Variants in DOCK2 observed in about 807,000 individuals in gnomAD.
DOCK2 encodes the protein dedicator of cytokinesis 2, also known as dedicator of cytokinesis protein 2.
A neutral mutation model predicts 248.9 loss-of-function variants in DOCK2; 87 were observed. The ratio of observed to expected loss-of-function variants is 0.35; its 90% CI spans 0.29 to 0.42. The LOEUF (loss-of-function observed/expected upper bound fraction) is 0.42, where lower values mean the gene tolerates loss of function less well. DOCK2 is among the 10% of genes least tolerant of loss of function. The probability of loss-of-function intolerance (pLI) is 1.00; values close to 1 mark genes in which losing one functional copy is unlikely to be tolerated. For missense variants in DOCK2, 1,747 were observed against 2,300.2 expected, an observed-to-expected ratio of 0.76 and a Z score of 4.92; for synonymous variants, 805 against 821.6, an observed-to-expected ratio of 0.98 and a Z score of 0.35.
chr5:169,867,798 G>A (rs561328809), intron 27 of DOCK2, among the ~76,000 whole-genome samples: 71 of 152,174 alleles, frequency 4.7e-4, no homozygotes, highest in Non-Finnish European at 9.1e-4. Context: ...GTGTGGTGGA[G>A]TGGGTTTCTG....
At chr5:169,737,172 A>T (rs1264543516) in intron 22 of DOCK2, among the ~76,000 whole-genome samples, 1 of 152,210 alleles carries the variant, frequency 6.6e-6, no homozygotes, top group Non-Finnish European at 1.5e-5. Flanking sequence ...AATGATGAGT[A>T]GGAGTTGGCA....
chr5:169,957,181 C>T (rs761852700), intron 27 of DOCK2, among the ~76,000 whole-genome samples: 1 of 152,164 alleles, frequency 6.6e-6, no homozygotes, highest in Admixed American at 6.6e-5. Flanking sequence ...AATGGGTACT[C>T]AATAAATAAT....
At chr5:169,674,521 G>A in intron 6 of DOCK2, 76 bp downstream of exon 6, 1 of 1,565,838 alleles carries the variant, frequency 6.4e-7, no homozygotes, top group Non-Finnish European at 8.6e-7. Context: ...CCAGAAGCTT[G>A]TTTTCATTTT....
intron 33 of DOCK2, among the ~76,000 whole-genome samples, chr5:170,024,357 CT>C (rs35718164): frequency 6.9e-4 from 69 of 100,724 alleles, no homozygotes; most frequent in Middle Eastern, 6.1e-3. Context: ...TTGGGAGAGC[CT>C]TTTTTTTTTT....
At chr5:169,647,637 A>G (rs1181960040) in intron 1 of DOCK2, among the ~76,000 whole-genome samples, 2 of 151,966 alleles carry the variant, frequency 1.3e-5, no homozygotes, top group Non-Finnish European at 2.9e-5. Flanking sequence ...TGGCCCTGCC[A>G]TTCATCCCTC....
intron 27 of DOCK2, among the ~76,000 whole-genome samples, chr5:169,871,110 A>G (rs1207802726): frequency 6.6e-6 from 1 of 152,184 alleles, no homozygotes; most frequent in African/African-American, 2.4e-5. Context: ...GAGGACTCCA[A>G]GTTCATGACC....
intron 2 of DOCK2, among the ~76,000 whole-genome samples, chr5:169,659,514 C>T (rs554427062): frequency 5.4e-4 from 82 of 152,216 alleles, no homozygotes; most frequent in African/African-American, 1.6e-3. Flanking sequence ...TGAGACTAGC[C>T]CTTCCTTGCC....
At chr5:169,815,537 A>C (rs1768014862) in intron 26 of DOCK2, among the ~76,000 whole-genome samples, 1 of 152,198 alleles carries the variant, frequency 6.6e-6, no homozygotes, top group African/African-American at 2.4e-5. Flanking sequence ...GGAAGGGCAG[A>C]ATGTAATGGG....
intron 27 of DOCK2, among the ~76,000 whole-genome samples, chr5:169,902,663 A>G (rs1186049109): frequency 1.3e-5 from 2 of 152,142 alleles, no homozygotes; most frequent in East Asian, 1.9e-4. Context: ...TTCCACAGAG[A>G]GGGAAGCCTC....
At position 169,882,809 on chromosome 5, in the gene DOCK2, C is replaced by G. The variant is rs993625984; in HGVS notation, c.2799+41957C>G. 6.4e-6 allele frequency: 10 copies of G among 1,551,398 alleles called. No homozygotes were observed. The South Asian group carries it at 8.3e-5, about 13-fold the overall frequency. On this transcript the variant is annotated intron_variant, in intron 27 of 51. Coordinates refer to ENST00000520908, the MANE Select transcript of DOCK2 (RefSeq NM_004946.3). ...TTTGGAAACTCCAGTGTGTCTGACT[C>G]GGTGGGGTTGTTTGCCGTCTGCTCC...
intron 27 of DOCK2, among the ~76,000 whole-genome samples, chr5:169,854,098 C>G (rs945240723): frequency 1.3e-5 from 2 of 151,764 alleles, no homozygotes; most frequent in African/African-American, 4.8e-5. Flanking sequence ...GCTGGGATTA[C>G]AGGTGTGAGC....
At chr5:170,045,459 A>C (rs1047973435) in intron 38 of DOCK2, among the ~76,000 whole-genome samples, 1 of 152,130 alleles carries the variant, frequency 6.6e-6, no homozygotes, top group Non-Finnish European at 1.5e-5. Flanking sequence ...GCTTTTAGTG[A>C]GGCGTTTTGA....
chr5:170,078,217 G>A (rs939128387), intron 48 of DOCK2, among the ~76,000 whole-genome samples: 7 of 152,076 alleles, frequency 4.6e-5, no homozygotes, highest in Admixed American at 4.6e-4. Context: ...AACCACGATG[G>A]GATGTCTCCA....
chr5:169,907,033 T>G (rs1169229982), intron 27 of DOCK2, among the ~76,000 whole-genome samples: 1 of 152,192 alleles, frequency 6.6e-6, no homozygotes, highest in East Asian at 1.9e-4. Context: ...CTGCTCTCAC[T>G]GAGCTTATGG....
rs115000650 is a variant in DOCK2, at chr5:169,641,921, A to G, written c.43+4552A>G. On this transcript the variant is annotated intron_variant, in intron 1 of 51. Transcript: ENST00000520908. ...AGCTTGATTTCCCTTTGTAAGAAAG[A>G]CAACCCAAGTCAGAGTTCATTGCCA... Among the ~76,000 whole-genome samples, 450 of 152,344 alleles carry G rather than the reference A, an allele frequency of 3.0e-3. 2 individuals are homozygous for G. The highest frequency in any genetic ancestry group is 0.01 in the African/African-American group (427 of 41,580).
intron 36 of DOCK2, among the ~76,000 whole-genome samples, chr5:170,040,456 A>C (rs1756474672): frequency 6.6e-6 from 1 of 152,188 alleles, no homozygotes; most frequent in African/African-American, 2.4e-5. Flanking sequence ...CTACATATGA[A>C]TATCTATTCT....
rs78825939 is a variant in DOCK2 at position 169,999,643 on chromosome 5, A to G, written c.3072+3479A>G. 1.7e-3 allele frequency among the ~76,000 whole-genome samples: 266 copies of G among 152,304 alleles called. 1 individual carries two copies. Among genetic ancestry groups the G allele is most frequent in the African/African-American group, 6.2e-3 (258 of 41,562 alleles). On this transcript the variant is annotated intron_variant, in intron 30 of 51. Coordinates refer to ENST00000520908, the MANE Select transcript of DOCK2 (RefSeq NM_004946.3). Reference sequence around the variant, plus strand: ...TCTCTTTTCCTAATGAGGCTTCCATAGCTATTTATTGAAAAGTACCCAAGA... The same window carrying G: ...TCTCTTTTCCTAATGAGGCTTCCATGGCTATTTATTGAAAAGTACCCAAGA...
Position 170,019,055 on chromosome 5 carries a change from A to G in DOCK2, c.3328A>G (p.Ile1110Val), listed in dbSNP as rs1023666012. 2.5e-6 allele frequency: 4 copies of G among 1,614,030 alleles called. No homozygotes were observed. Among genetic ancestry groups the G allele is most frequent in the Non-Finnish European group, 3.4e-6 (4 of 1,179,948 alleles). ...EAELRKATIP[I>V]FFDMMLCEYQ... is the part of the protein sequence containing the mutation. ...TGAGCTCCGGAAAGCCACCATACCA[A>G]TCTTCTTCGACATGATGCTGTGTGA... The change falls in exon 33 of 52, where the codon ATC becomes GTC. Residue 1110 changes from isoleucine to valine, a missense_variant. Physicochemically the swap from Ile to Val is conservative, Grantham distance 29. Coordinates refer to ENST00000520908, the MANE Select transcript of DOCK2 (RefSeq NM_004946.3).
chr5:170,051,733 G>A (rs1355687095), intron 41 of DOCK2, among the ~76,000 whole-genome samples: 7 of 152,142 alleles, frequency 4.6e-5, no homozygotes, highest in African/African-American at 9.7e-5. Context: ...CCACTCCCTC[G>A]TGCCTGGTAC....
Sources: gnomAD v4.1 joint callset for allele counts (sites outside exome capture counted in the v4.1 genomes callset) on GRCh38, gnomAD v4.1.1 for gene constraint, MANE v1.5 for transcripts, NCBI Gene and HGNC (gene_info 2026-07-23, HGNC 2026-07-21) for gene names.